ZFHX3: variants seen among roughly 807,000 people sequenced by gnomAD.
The protein encoded by ZFHX3 is zinc finger homeobox 3, also known as zinc finger homeobox protein 3.
ZFHX3 carries 42 observed loss-of-function variants against 279.1 expected under a neutral mutation model. The observed-to-expected ratio is 0.15, with a 90% CI of 0.12 to 0.19. ZFHX3 has a LOEUF of 0.19. Among genes scored for constraint, ZFHX3 ranks in the 10% least tolerant of loss-of-function variants. The pLI is 1.00. For synonymous variants in ZFHX3, 2,293 were observed against 1,957.8 expected, an observed-to-expected ratio of 1.17 and a Z score of -4.52; for missense variants, 4,981 against 4,754.0, an observed-to-expected ratio of 1.05 and a Z score of -1.40.
intron 3 of ZFHX3, among the ~76,000 whole-genome samples, chr16:73,346,742 G>A (rs2016131548): frequency 6.6e-6 from 1 of 152,164 alleles, no homozygotes; most frequent in Admixed American, 6.5e-5. Flanking sequence ...AAAGTGCTGG[G>A]ATTACAGGCG....
intron 4 of ZFHX3, among the ~76,000 whole-genome samples, chr16:72,846,345 GCA>G (rs1474984773): frequency 6.6e-6 from 1 of 152,240 alleles, no homozygotes; most frequent in African/African-American, 2.4e-5. Context: ...AAGACCCAGG[GCA>G]CAGAAGGAGG....
At chr16:73,253,782 T>C (rs1466341044) in intron 5 of ZFHX3, among the ~76,000 whole-genome samples, 4 of 152,054 alleles carry the variant, frequency 2.6e-5, no homozygotes, top group African/African-American at 9.7e-5. Flanking sequence ...TATAATGCAC[T>C]GTGTAGGCAA....
At chr16:73,236,623 A>G (rs563647337) in intron 5 of ZFHX3, among the ~76,000 whole-genome samples, 56 of 152,214 alleles carry the variant, frequency 3.7e-4, no homozygotes, top group Non-Finnish European at 7.3e-4. Flanking sequence ...AGTGATCTCT[A>G]CAAAGGGTTT....
chr16:72,904,687 C>T (rs556754455), intron 3 of ZFHX3, among the ~76,000 whole-genome samples: 15 of 152,256 alleles, frequency 9.9e-5, no homozygotes, highest in Admixed American at 7.8e-4. Context: ...TGCTGAAATG[C>T]CTCACATCTC....
chr16:72,868,749 C>T (rs2038083624), intron 4 of ZFHX3, among the ~76,000 whole-genome samples: 1 of 152,220 alleles, frequency 6.6e-6, no homozygotes, highest in African/African-American at 2.4e-5. Context: ...AGAGAGCCTC[C>T]TGGTCACCTT....
At chr16:73,606,785 ATGTG>A (rs1567531724) in intron 2 of ZFHX3, among the ~76,000 whole-genome samples, 1 of 151,916 alleles carries the variant, frequency 6.6e-6, no homozygotes, top group Non-Finnish European at 1.5e-5. Context: ...ACATGTGTCC[ATGTG>A]TTCTCATTGG....
At chr16:72,862,269 C>A (rs1284216336) in intron 4 of ZFHX3, among the ~76,000 whole-genome samples, 1 of 152,194 alleles carries the variant, frequency 6.6e-6, no homozygotes, top group Non-Finnish European at 1.5e-5. Flanking sequence ...CTCCCTAGGA[C>A]ACCAATTGCA....
In ZFHX3 at chr16:72,794,779, C is replaced by G; in HGVS notation, c.7903G>C (p.Gly2635Arg). The G allele has an allele frequency of 6.2e-7, 1 of 1,614,224 alleles. No individual in the cohort carries two copies. The highest frequency in any genetic ancestry group is 8.5e-7 in the Non-Finnish European group (1 of 1,180,038). Reference protein sequence around the residue: ...SPGENDSGTGGEEPQRDKRLR... With the variant: ...SPGENDSGTGREEPQRDKRLR... Reference sequence around the variant, plus strand: ...CGCTTGTCTCTCTGAGGCTCTTCTCCTCCTGTCCCACTGTCGTTTTCGCCA... The same window carrying G: ...CGCTTGTCTCTCTGAGGCTCTTCTCGTCCTGTCCCACTGTCGTTTTCGCCA... Residue 2635 changes from glycine (G) to arginine (R), a missense_variant, in exon 9 of 10, where the codon GGA becomes CGA. Transcript: ENST00000268489. The surrounding 1 kb of genome is among the most constrained non-coding windows in gnomAD (Gnocchi z 4.2).
At chr16:73,425,384 C>T (rs967885792) in intron 3 of ZFHX3, among the ~76,000 whole-genome samples, 2 of 152,144 alleles carry the variant, frequency 1.3e-5, no homozygotes, top group Non-Finnish European at 1.5e-5. Flanking sequence ...TTATGAATTG[C>T]TTAATCTATG....
rs1384108269 is a variant in ZFHX3, at chr16:73,584,678, G to T, written c.-1547+95502C>A. 4.6e-5 allele frequency among the ~76,000 whole-genome samples: 7 copies of T among 152,216 alleles called. No individual in the cohort carries two copies. The South Asian group carries it at 1.0e-3, about 23-fold the overall frequency. On this transcript the variant is annotated intron_variant, in intron 2 of 17. Coordinates refer to the ZFHX3 transcript ENST00000641206. ...GGGATAAGGTCAGGTCATAGGCATG[G>T]GCAAAGATTTTATGATGAAATCGCC...
chr16:73,173,067 T>C (rs1372401253), intron 5 of ZFHX3, among the ~76,000 whole-genome samples: 2 of 144,160 alleles, frequency 1.4e-5, no homozygotes, highest in South Asian at 2.3e-4. Context: ...GCTTATGTGA[T>C]AGTTTTTCTC....
At chr16:73,482,616 G>T (rs542817451) in intron 2 of ZFHX3, among the ~76,000 whole-genome samples, 1 of 152,290 alleles carries the variant, frequency 6.6e-6, no homozygotes, top group Admixed American at 6.5e-5. Context: ...GAAGCTGCCT[G>T]CCACCTCCCC....
intron 4 of ZFHX3, among the ~76,000 whole-genome samples, chr16:72,874,515 T>G (rs1367825973): frequency 4.0e-5 from 6 of 151,050 alleles, no homozygotes; most frequent in Non-Finnish European, 4.4e-5. Context: ...AGGAGCCATC[T>G]TTAGACCATG....
chr16:73,272,727 C>A (rs2014181299), intron 4 of ZFHX3, among the ~76,000 whole-genome samples: 1 of 152,076 alleles, frequency 6.6e-6, no homozygotes, highest in Non-Finnish European at 1.5e-5. Flanking sequence ...TCAATATCAA[C>A]ATTTGTTAAG....
chr16:73,378,069 A>AAAAAAAAAC (rs2016755562), intron 3 of ZFHX3, among the ~76,000 whole-genome samples: 1 of 145,326 alleles, frequency 6.9e-6, no homozygotes, highest in African/African-American at 2.6e-5. Flanking sequence ...AAAAAAAAAA[A>AAAAAAAAAC]TCTTATACAC....
At chr16:73,165,441 G>A (rs1273633623) in intron 5 of ZFHX3, among the ~76,000 whole-genome samples, 1 of 152,196 alleles carries the variant, frequency 6.6e-6, no homozygotes, top group African/African-American at 2.4e-5. Context: ...CTCTGCCTGG[G>A]CCCCGCCTGT....
intron 5 of ZFHX3, among the ~76,000 whole-genome samples, chr16:73,148,332 T>G (rs1303889007): frequency 2.6e-5 from 4 of 152,232 alleles, no homozygotes; most frequent in Non-Finnish European, 4.4e-5. Flanking sequence ...CAAAGCAGGT[T>G]CAAGAAACAA....
rs557653449 is a variant in ZFHX3, at chr16:73,309,929, G to C, written c.-1194+8311C>G. ...GCCTTTTTTTTTTTTTTTTTTTTGA[G>C]ATGGAGTCTCACTCTGTAACCCAGG... On this transcript the variant is annotated intron_variant, in intron 4 of 17. Coordinates refer to the ZFHX3 transcript ENST00000641206. Among the ~76,000 whole-genome samples the C allele has an allele frequency of 3.0e-4, 15 of 49,556 alleles. 1 individual carries two copies. Among genetic ancestry groups the C allele is most frequent in the South Asian group, 1.3e-3 (2 of 1,486 alleles). 32.5% of individuals were successfully genotyped at this position (49,556 alleles called of 152,430 possible). A position where few individuals can be genotyped will look rare whatever the true frequency, so the allele number is the denominator to read the frequency against.
rs2053622575 is a variant in ZFHX3 at position 73,737,879 on chromosome 16, A to AT, written c.-1607-57640dup. Among the ~76,000 whole-genome samples the AT allele has an allele frequency of 3.3e-5, 5 of 152,140 alleles. No individual in the cohort carries two copies. In the South Asian group the frequency reaches 8.3e-4, roughly 25 times the overall value. On this transcript the variant is annotated intron_variant, in intron 1 of 17. Transcript: ENST00000641206. ...AAAGAGATAAAACTCAAATCAGACA[A>AT]TTTTATCAGTCAGGCTGTCAACAAG...
Sources: allele counts gnomAD v4.1 joint callset (sites outside exome capture counted in the v4.1 genomes callset), GRCh38; gene constraint gnomAD v4.1.1; non-coding constraint Gnocchi (gnomAD v3.1); transcripts MANE v1.5; gene names NCBI Gene and HGNC (gene_info 2026-07-23, HGNC 2026-07-21).